The following KAZN variants were observed in gnomAD, a reference collection of about 807,000 sequenced individuals.
KAZN encodes the protein kazrin, periplakin interacting protein.
KAZN carries 40 observed loss-of-function variants against 87.4 expected under a neutral mutation model. That is an observed-to-expected ratio of 0.46 (90% CI 0.36 to 0.60). The LOEUF is 0.60. Ranked by LOEUF, KAZN falls within the 20% of genes least tolerant of loss-of-function variation. The pLI, the probability that KAZN is intolerant of heterozygous loss-of-function variation, is 0.00. For missense variants in KAZN, 898 were observed against 1,073.9 expected, an observed-to-expected ratio of 0.84 and a Z score of 2.29; for synonymous variants, 466 against 458.3, an observed-to-expected ratio of 1.02 and a Z score of -0.22.
intron 2 of KAZN, among the ~76,000 whole-genome samples, chr1:14,205,257 T>C (rs911406131): frequency 2.0e-5 from 3 of 151,956 alleles, no homozygotes; most frequent in Non-Finnish European, 4.4e-5. Flanking sequence ...AGCGAGGAAA[T>C]GGGTTTAGTA....
At chr1:14,418,295 C>CT (rs1665003244) in intron 2 of KAZN, among the ~76,000 whole-genome samples, 2 of 152,162 alleles carry the variant, frequency 1.3e-5, no homozygotes, top group South Asian at 2.1e-4. Context: ...TCTAACCTCT[C>CT]TGAGTGTCCA....
intron 1 of KAZN, chr1:14,945,887 C>T (rs989412104): frequency 5.1e-6 from 5 of 985,318 alleles, no homozygotes; most frequent in Admixed American, 6.1e-5. Context: ...CCTTTCCTGT[C>T]GCCTCCATGG....
In KAZN at chr1:14,579,776, C is replaced by A. The variant is rs145962764; in HGVS notation, c.250-19207C>A. ...GGCTGCTGTATTGCTGGGTAAGAAG[C>A]AGCATCCAGGGGGACTCACATGGCA... On this transcript the variant is annotated intron_variant, in intron 2 of 16. Coordinates refer to the KAZN transcript ENST00000636203. Among the ~76,000 whole-genome samples the A allele has an allele frequency of 4.7e-3, 722 of 152,208 alleles. 3 individuals carry two copies. Among genetic ancestry groups the A allele is most frequent in the South Asian group, 0.033 (160 of 4,816 alleles).
intron 1 of KAZN, among the ~76,000 whole-genome samples, chr1:13,920,751 T>C (rs1345080129): frequency 6.6e-6 from 1 of 152,100 alleles, no homozygotes; most frequent in Non-Finnish European, 1.5e-5. Context: ...GGGGCTGTCA[T>C]GTTTCTGGTC....
intron 1 of KAZN, among the ~76,000 whole-genome samples, chr1:13,985,362 A>C (rs1244604442): frequency 6.6e-6 from 1 of 151,890 alleles, no homozygotes; most frequent in Non-Finnish European, 1.5e-5. Flanking sequence ...TACACCATGG[A>C]ATACTATGCA....
chr1:14,715,601 T>C (rs910316416), intron 1 of KAZN, among the ~76,000 whole-genome samples: 5 of 152,298 alleles, frequency 3.3e-5, no homozygotes, highest in African/African-American at 1.2e-4. Context: ...AATGGATGTT[T>C]CCTATCCTGA....
rs373070045 is a variant in KAZN, at chr1:14,760,694, C to T, written c.226+161471C>T. ...TCAGGCCAGGTGTGGTAGCTTATGC[C>T]TGTAATCCCAGCATTTTGGGAGGCC... On this transcript the variant is annotated intron_variant, in intron 1 of 14. Coordinates refer to ENST00000376030, the MANE Select transcript of KAZN (RefSeq NM_201628.3). Among the ~76,000 whole-genome samples the T allele has an allele frequency of 3.0e-4, 45 of 152,284 alleles. No homozygotes were observed. In the East Asian group the frequency reaches 4.4e-3, roughly 15 times the overall value.
chr1:14,495,887 A>G (rs1260821882), intron 2 of KAZN, among the ~76,000 whole-genome samples: 1 of 152,172 alleles, frequency 6.6e-6, no homozygotes, highest in Non-Finnish European at 1.5e-5. Context: ...TCCATCATTT[A>G]TCATCAGGGA....
At position 14,709,332 on chromosome 1, in the gene KAZN, G is replaced by C. The variant is rs192620389; in HGVS notation, c.226+110109G>C. Among the ~76,000 whole-genome samples, 527 of 152,190 alleles carry C rather than the reference G, an allele frequency of 3.5e-3. 2 individuals are homozygous for C. The highest frequency in any genetic ancestry group is 0.012 in the African/African-American group (506 of 41,518). On this transcript the variant is annotated intron_variant, in intron 1 of 14. Coordinates refer to ENST00000376030, the MANE Select transcript of KAZN (RefSeq NM_201628.3). ...AGTTACGTGTCTTCCCTATCCAAAGGCATTTAGAAGGAAGAATTCAGCAAA... is the reference window on the plus strand; with the variant it reads ...AGTTACGTGTCTTCCCTATCCAAAGCCATTTAGAAGGAAGAATTCAGCAAA...
intron 1 of KAZN, among the ~76,000 whole-genome samples, chr1:14,788,504 G>A (rs1645578305): frequency 6.6e-6 from 1 of 152,160 alleles, no homozygotes; most frequent in Non-Finnish European, 1.5e-5. Context: ...GAAGATCGAT[G>A]CAGCACAAAG....
intron 1 of KAZN, among the ~76,000 whole-genome samples, chr1:14,883,109 A>G (rs1572720324): frequency 6.6e-6 from 1 of 151,916 alleles, no homozygotes; most frequent in Non-Finnish European, 1.5e-5. Context: ...CAGCCTGACC[A>G]ACATGGAGAA....
intron 1 of KAZN, among the ~76,000 whole-genome samples, chr1:14,728,254 C>T (rs1251042877): frequency 1.4e-5 from 2 of 138,468 alleles, no homozygotes; most frequent in Non-Finnish European, 3.0e-5. Flanking sequence ...CCACTGCACT[C>T]TAGCCTGGGC....
rs371038660 is a variant in KAZN, at chr1:14,476,537, C to A, written c.250-122446C>A. ...ACAACAGGGACTGAACTGCATGCAG[C>A]CAAGAGCTTCCCAAAATTGTACTGG... On this transcript the variant is annotated intron_variant, in intron 2 of 16. Transcript: ENST00000636203. 1.2e-4 allele frequency among the ~76,000 whole-genome samples: 18 copies of A among 152,246 alleles called. No homozygotes were observed. In the East Asian group the frequency reaches 3.5e-3, roughly 29 times the overall value.
At chr1:14,284,481 C>T (rs910528205) in intron 2 of KAZN, among the ~76,000 whole-genome samples, 1 of 151,870 alleles carries the variant, frequency 6.6e-6, no homozygotes, top group Admixed American at 6.6e-5. Flanking sequence ...GGGGCTGAAA[C>T]CTAGAAAGGG....
intron 2 of KAZN, chr1:14,348,992 TGA>T (rs1042327045): frequency 1.3e-5 from 2 of 152,268 alleles, no homozygotes; most frequent in African/African-American, 4.8e-5. Context: ...AGATATTTAC[TGA>T]GTGTGTTTTG....
chr1:14,698,474 G>C (rs886662024), intron 1 of KAZN, among the ~76,000 whole-genome samples: 1 of 152,196 alleles, frequency 6.6e-6, no homozygotes, highest in African/African-American at 2.4e-5. Flanking sequence ...CTGCTTCGAG[G>C]CTGTCCCGTG....
chr1:14,660,551 T>C (rs1430717260), intron 1 of KAZN, among the ~76,000 whole-genome samples: 1 of 143,412 alleles, frequency 7.0e-6, no homozygotes, highest in African/African-American at 2.6e-5. Flanking sequence ...CTTTTTTTTT[T>C]TTTTTTTTTT....
chr1:14,876,469 T>C (rs1572706877), intron 1 of KAZN, among the ~76,000 whole-genome samples: 2 of 152,166 alleles, frequency 1.3e-5, no homozygotes, highest in Admixed American at 6.5e-5. Context: ...GGTAGGAACC[T>C]GGGTTTAGGA....
intron 1 of KAZN, among the ~76,000 whole-genome samples, chr1:14,677,709 T>G (rs1640313326): frequency 6.6e-6 from 1 of 152,102 alleles, no homozygotes; most frequent in Admixed American, 6.6e-5. Flanking sequence ...TTGATGGGAT[T>G]CCCTTGAGCC....
Sources: allele counts gnomAD v4.1 joint callset (sites outside exome capture counted in the v4.1 genomes callset), GRCh38; gene constraint gnomAD v4.1.1; transcripts MANE v1.5; gene names NCBI Gene and HGNC (gene_info 2026-07-23, HGNC 2026-07-21).